The following EMILIN2 variants were observed in gnomAD, a reference collection of about 807,000 sequenced individuals.
The protein encoded by EMILIN2 is elastin microfibril interfacer 2.
A neutral mutation model predicts 87.1 loss-of-function variants in EMILIN2; 71 were observed. The observed-to-expected ratio is 0.82, with a 90% CI of 0.67 to 0.99. The LOEUF is 0.99. EMILIN2 is among the 50% of genes least tolerant of loss of function. EMILIN2 has a pLI of 0.00. For missense variants in EMILIN2, 1,407 were observed against 1,371.8 expected (o/e 1.03, Z -0.40); for synonymous variants, 581 against 563.4 (o/e 1.03, Z -0.44).
chr18:2,853,311 C>T (rs1020181896), intron 2 of EMILIN2, among the ~76,000 whole-genome samples: 1 of 152,142 alleles, frequency 6.6e-6, no homozygotes, highest in Non-Finnish European at 1.5e-5. Flanking sequence ...CTGCCACCCC[C>T]CCAGCCCTTG....
At chr18:2,889,093 C>CTTTCTT (rs371580646) in intron 3 of EMILIN2, among the ~76,000 whole-genome samples, 1 of 138,624 alleles carries the variant, frequency 7.2e-6, no homozygotes, top group African/African-American at 2.7e-5. Context: ...GTATTTCTTT[C>CTTTCTT]TTTCTTTTTC....
At chr18:2,876,769 A>C (rs1418918413) in intron 2 of EMILIN2, among the ~76,000 whole-genome samples, 1 of 152,172 alleles carries the variant, frequency 6.6e-6, no homozygotes, top group Non-Finnish European at 1.5e-5. Context: ...CTGTCTCAAA[A>C]AATATATAGA....
intron 2 of EMILIN2, 56 bp from the exon 3 acceptor site, chr18:2,884,908 G>A (rs567510472): frequency 7.7e-5 from 118 of 1,524,048 alleles, no homozygotes; most frequent in Non-Finnish European, 9.9e-5. Flanking sequence ...GTCTAGCGCC[G>A]GAAGTTGCTT....
rs1568454032 is a variant in EMILIN2 at position 2,858,555 on chromosome 18, A to ATATATATGTGTGTGTGTG, written c.257+10631_257+10632insGTGTGTGTGTGTATATAT. Among the ~76,000 whole-genome samples the ATATATATGTGTGTGTGTG allele has an allele frequency of 4.4e-4, 23 of 52,300 alleles. 2 individuals carry two copies. Among genetic ancestry groups the ATATATATGTGTGTGTGTG allele is most frequent in the African/African-American group, 3.4e-3 (23 of 6,852 alleles). 34.3% of individuals were successfully genotyped at this position (52,300 alleles called of 152,430 possible). On this transcript the variant is annotated intron_variant, in intron 2 of 7. Transcript: ENST00000254528. Reference sequence around the variant, plus strand: ...TATATATATATATATATATATATATATATATATATATATATGTGTGTGTGT... The same window carrying ATATATATGTGTGTGTGTG: ...TATATATATATATATATATATATATATATATATGTGTGTGTGTGTATATATATATATATGTGTGTGTGT...
At chr18:2,851,520 C>T (rs1471341796) in intron 2 of EMILIN2, among the ~76,000 whole-genome samples, 6 of 152,054 alleles carry the variant, frequency 3.9e-5, no homozygotes, top group Non-Finnish European at 7.4e-5. Flanking sequence ...AGGGTGAAAC[C>T]GCTGGGAAAT....
chr18:2,873,268 G>C (rs969669700), intron 2 of EMILIN2, among the ~76,000 whole-genome samples: 4 of 151,976 alleles, frequency 2.6e-5, no homozygotes, highest in African/African-American at 9.7e-5. Context: ...AAATTACCCA[G>C]ACATGGTGGC....
At chr18:2,908,527 C>T (rs1031063385) in intron 5 of EMILIN2, among the ~76,000 whole-genome samples, 2 of 152,232 alleles carry the variant, frequency 1.3e-5, no homozygotes, top group Non-Finnish European at 1.5e-5. Flanking sequence ...ACTTCTGCAC[C>T]CACCCATCCA....
chr18:2,905,873 G>C (rs3016597), intron 4 of EMILIN2, among the ~76,000 whole-genome samples: 145,678 of 151,752 alleles, frequency 0.96, 70,097 homozygotes, highest in Non-Finnish European at 0.99. Context: ...ATCCGGCCGC[G>C]TCGGCCTCCC....
chr18:2,847,787 C>T lies in EMILIN2; in HGVS notation c.135-22C>T. The stretch of plus-strand genomic sequence containing the variant: ...CTCCGGGTTTACCCCGTGCCCCTCT[C>T]CCTCTCTCTCCTGCACCCCAGGAAC... On this transcript the variant is annotated intron_variant, in intron 1 of 7. Coordinates refer to ENST00000254528, the MANE Select transcript of EMILIN2 (RefSeq NM_032048.3). The surrounding 1 kb of genome is among the most constrained non-coding windows in gnomAD (Gnocchi z 4.5). 1 of 1,611,256 alleles carries T rather than the reference C, an allele frequency of 6.2e-7. No homozygotes were observed.
rs1229907384 is a variant in EMILIN2 at position 2,906,934 on chromosome 18, G to C, written c.2511G>C (p.Gln837His). 1 of 1,398,016 alleles carries C rather than the reference G, an allele frequency of 7.2e-7. No homozygotes were observed. The allele number at this position is 1,398,016 out of a possible 1,614,324, so 86.6% of individuals were successfully genotyped here. The change falls in exon 5 of 8, where the codon CAG becomes CAC. Residue 837 changes from glutamine (Q) to histidine (H), a missense_variant. Physicochemically the swap from Gln to His is conservative, Grantham distance 24. Transcript: ENST00000254528. Reference sequence around the variant, plus strand: ...GGCCCCCCGAGGAGAGGCCGCCCCAGCCGCCAGGCTCCACCGGGGTCATCG... The same window carrying C: ...GGCCCCCCGAGGAGAGGCCGCCCCACCCGCCAGGCTCCACCGGGGTCATCG... ...PQRPPEERPP[Q>H]PPGSTGVIAE...
intron 3 of EMILIN2, among the ~76,000 whole-genome samples, chr18:2,886,287 G>A (rs1023459021): frequency 6.6e-6 from 1 of 152,198 alleles, no homozygotes; most frequent in African/African-American, 2.4e-5. Flanking sequence ...ATACTGGGAT[G>A]GAGGGAACAT....
chr18:2,900,072 G>A (rs1372326797), intron 4 of EMILIN2, among the ~76,000 whole-genome samples: 2 of 151,752 alleles, frequency 1.3e-5, no homozygotes, highest in African/African-American at 4.8e-5. Context: ...TTATTTTGGT[G>A]TCAATATGGT....
In EMILIN2 at chr18:2,913,076, C is replaced by T. The variant is rs779844278; in HGVS notation, c.2834C>T (p.Thr945Met). The T allele has an allele frequency of 1.2e-5, 20 of 1,609,362 alleles. No individual in the cohort carries two copies. The highest frequency in any genetic ancestry group is 4.4e-5 in the South Asian group (4 of 91,084). Reference protein sequence around the residue: ...DVYNPSTGVFTAPYDGRYLIT... With the variant: ...DVYNPSTGVFMAPYDGRYLIT... ...GCCTTTCTCCCCGCAGGGGTCTTCA[C>T]GGCTCCTTATGATGGGCGCTACCTG... The change falls in exon 8 of 8, where the codon ACG becomes ATG. Residue 945 changes from threonine (T) to methionine (M), a missense_variant. By Grantham distance (81) the Thr-to-Met change is moderately conservative. Coordinates refer to ENST00000254528, the MANE Select transcript of EMILIN2 (RefSeq NM_032048.3).
At chr18:2,899,377 G>C (rs1391257227) in intron 4 of EMILIN2, among the ~76,000 whole-genome samples, 1 of 152,188 alleles carries the variant, frequency 6.6e-6, no homozygotes, top group African/African-American at 2.4e-5. Flanking sequence ...ACTCGATTCT[G>C]TTCCAGTTTT....
chr18:2,867,934 G>A (rs984117584), intron 2 of EMILIN2, among the ~76,000 whole-genome samples: 5 of 152,032 alleles, frequency 3.3e-5, no homozygotes, highest in African/African-American at 1.2e-4. Flanking sequence ...CGGCCGGGCA[G>A]AGGCGCCCCT....
At chr18:2,849,756 T>C (rs967670119) in intron 2 of EMILIN2, among the ~76,000 whole-genome samples, 5 of 152,214 alleles carry the variant, frequency 3.3e-5, no homozygotes, top group Non-Finnish European at 7.3e-5. Flanking sequence ...GCACTGTAAG[T>C]GTGAAGTTTA....
Position 2,890,322 on chromosome 18 carries a change from A to C in EMILIN2, c.434-239A>C, listed in dbSNP as rs1337556153. 6.6e-6 allele frequency among the ~76,000 whole-genome samples: 1 copy of C among 152,222 alleles called. No individual in the cohort carries two copies. Among genetic ancestry groups the C allele is most frequent in the Non-Finnish European group, 1.5e-5 (1 of 68,034 alleles). On this transcript the variant is annotated intron_variant, in intron 3 of 7. Transcript: ENST00000254528. The surrounding 1 kb of genome is among the most constrained non-coding windows in gnomAD (Gnocchi z 4.7). ...TAGATGAGAGGATTATAGTTCACAGAAGTTAGTTAACTTGCTCAAGGACAA... is the reference window on the plus strand; with the variant it reads ...TAGATGAGAGGATTATAGTTCACAGCAGTTAGTTAACTTGCTCAAGGACAA...
chr18:2,868,792 G>GACC (rs1476768044), intron 2 of EMILIN2, among the ~76,000 whole-genome samples: 2 of 150,434 alleles, frequency 1.3e-5, no homozygotes, highest in Non-Finnish European at 1.5e-5. Flanking sequence ...CGTGGAAAGA[G>GACC]GAGAGGGAGA....
At chr18:2,873,973 G>A (rs1434286963) in intron 2 of EMILIN2, among the ~76,000 whole-genome samples, 2 of 152,096 alleles carry the variant, frequency 1.3e-5, no homozygotes, top group Admixed American at 6.5e-5. Flanking sequence ...TCCAATAGAA[G>A]TACAGTCCCA....
Sources: gnomAD v4.1 joint callset for allele counts (sites outside exome capture counted in the v4.1 genomes callset) on GRCh38, gnomAD v4.1.1 for gene constraint, Gnocchi (gnomAD v3.1) non-coding constraint, MANE v1.5 for transcripts, NCBI Gene and HGNC (gene_info 2026-07-23, HGNC 2026-07-21) for gene names.